RICTOR: variants seen among roughly 807,000 people sequenced by gnomAD.
RICTOR encodes rapamycin-insensitive companion of mTOR.
Under a neutral mutation model 214.9 loss-of-function variants are expected in RICTOR, and 49 were observed. The observed-to-expected ratio is 0.23, with a 90% CI of 0.18 to 0.29. The LOEUF (loss-of-function observed/expected upper bound fraction) is 0.29. Among genes scored for constraint, RICTOR ranks in the 10% least tolerant of loss-of-function variants. The pLI, the probability that RICTOR is intolerant of heterozygous loss-of-function variation, is 1.00. For missense variants in RICTOR, 1,625 were observed against 2,047.0 expected (o/e 0.79, Z 3.98); for synonymous variants, 717 against 711.3 (o/e 1.01, Z -0.13).
At chr5:38,962,657 T>G in intron 17 of RICTOR, 71 bp from the exon 18 acceptor site, 2 of 947,638 alleles carry the variant, frequency 2.1e-6, no homozygotes, top group Non-Finnish European at 3.2e-6. Flanking sequence ...AAGTTCAAAT[T>G]TGAAAAAATG....
At position 38,938,583 on chromosome 5, in the gene RICTOR, A is replaced by C. The variant is rs1482360087; in HGVS notation, c.*3721T>G. The C allele has an allele frequency of 8.6e-6, 2 of 232,844 alleles. No individual in the cohort carries two copies. The highest frequency in any genetic ancestry group is 1.2e-4 in the East Asian group (2 of 16,448). The allele number at this position is 232,844 out of a possible 1,614,324, so 14.4% of individuals were successfully genotyped here. A position where few individuals can be genotyped will look rare whatever the true frequency, so the allele number is the denominator to read the frequency against. On this transcript the variant is annotated 3_prime_UTR_variant, in exon 38 of 38. Coordinates refer to ENST00000357387, the MANE Select transcript of RICTOR (RefSeq NM_152756.5). The stretch of plus-strand genomic sequence containing the variant: ...AGCTATCCGATACTTACATTACAAA[A>C]ATACTCCAAACAGGAAAAAAGTCCA...
At chr5:39,052,219 T>A (rs1580197136) in intron 2 of RICTOR, among the ~76,000 whole-genome samples, 3 of 151,658 alleles carry the variant, frequency 2.0e-5, no homozygotes, top group South Asian at 2.1e-4. Flanking sequence ...CAAAAAAAAA[T>A]TTTTAAATTA....
intron 33 of RICTOR, among the ~76,000 whole-genome samples, chr5:38,945,942 T>C (rs551947585): frequency 1.3e-4 from 20 of 152,260 alleles, no homozygotes; most frequent in African/African-American, 4.6e-4. Flanking sequence ...AAATGGAAAA[T>C]TGAGATTATA....
rs767368661 is a variant in RICTOR, at chr5:38,959,300, C to G, written c.2073G>C (p.Leu691Phe). 1.9e-5 allele frequency: 29 copies of G among 1,562,594 alleles called. No individual in the cohort carries two copies. The highest frequency in any genetic ancestry group is 1.8e-4 in the Middle Eastern group (1 of 5,688). Residue 691 changes from leucine (L) to phenylalanine (F), a missense_variant, in exon 22 of 38, where the codon TTG becomes TTC. Around this residue, in one of 5 missense-constraint regions of RICTOR, gnomAD observed 1,214 missense variants for 1,470.5 expected, o/e 0.83. Coordinates refer to ENST00000357387, the MANE Select transcript of RICTOR (RefSeq NM_152756.5). ...VFQCLLNLCSLKNQDHLLKLT... is the reference protein window; with the variant it reads ...VFQCLLNLCSFKNQDHLLKLT... The stretch of plus-strand genomic sequence containing the variant: ...GTTTTAGCAAGTGATCTTGGTTTTT[C>G]AAGGAGCAAAGATTAAGGAGACTTA...
chr5:39,026,497 A>T (rs1441347554), intron 2 of RICTOR, among the ~76,000 whole-genome samples: 1 of 152,182 alleles, frequency 6.6e-6, no homozygotes, highest in Non-Finnish European at 1.5e-5. Context: ...TGTAAATACT[A>T]CACGTATTCC....
intron 2 of RICTOR, among the ~76,000 whole-genome samples, chr5:39,063,619 T>G (rs1195824989): frequency 6.6e-6 from 1 of 152,286 alleles, no homozygotes; most frequent in South Asian, 2.1e-4. Flanking sequence ...CAAAGATAAT[T>G]GGCATATGCT....
intron 5 of RICTOR, among the ~76,000 whole-genome samples, chr5:38,997,142 T>C (rs1399749633): frequency 6.6e-6 from 1 of 152,070 alleles, no homozygotes; most frequent in Non-Finnish European, 1.5e-5. Flanking sequence ...ACTACATCTA[T>C]TCATAAAGAA....
At chr5:39,021,681 C>A (rs892959010) in intron 2 of RICTOR, among the ~76,000 whole-genome samples, 1 of 152,100 alleles carries the variant, frequency 6.6e-6, no homozygotes, top group African/African-American at 2.4e-5. Flanking sequence ...GATGACATGG[C>A]AAGAAGGCAC....
At chr5:39,039,905 G>A (rs1298706323) in intron 2 of RICTOR, among the ~76,000 whole-genome samples, 2 of 151,910 alleles carry the variant, frequency 1.3e-5, no homozygotes, top group South Asian at 2.1e-4. Context: ...GGAAGTCAGT[G>A]TGGCGATTCC....
At chr5:38,965,579 T>C (rs887215866) in intron 15 of RICTOR, among the ~76,000 whole-genome samples, 4 of 152,122 alleles carry the variant, frequency 2.6e-5, no homozygotes, top group East Asian at 1.9e-4. Flanking sequence ...ACTCTGAATA[T>C]TGGTATTCTT....
intron 5 of RICTOR, among the ~76,000 whole-genome samples, chr5:38,997,915 G>GA (rs1753296670): frequency 6.6e-6 from 1 of 152,186 alleles, no homozygotes; most frequent in Non-Finnish European, 1.5e-5. Context: ...GAAAACAGAA[G>GA]AAAGTGAGCT....
chr5:38,949,557 A>G, intron 31 of RICTOR, 155 bp downstream of exon 31: 1 of 1,052,746 alleles, frequency 9.5e-7, no homozygotes, highest in Non-Finnish European at 1.4e-6. Flanking sequence ...ATTTCAAGTC[A>G]TATCGGGTAA....
intron 2 of RICTOR, among the ~76,000 whole-genome samples, chr5:39,036,746 A>C (rs933192399): frequency 4.8e-4 from 73 of 152,316 alleles, no homozygotes; most frequent in African/African-American, 1.7e-3. Flanking sequence ...GTAAAGGCAT[A>C]AATTCAACAA....
At chr5:39,026,791 T>A (rs1052510718) in intron 2 of RICTOR, among the ~76,000 whole-genome samples, 2 of 151,920 alleles carry the variant, frequency 1.3e-5, no homozygotes, top group Non-Finnish European at 2.9e-5. Flanking sequence ...GTGGATCACC[T>A]GAGGTCAGGA....
chr5:38,950,478 T>C lies in RICTOR; in HGVS notation c.3370A>G (p.Ser1124Gly). ...DPKGGKLSSE[S>G]KTSNRRIRTL... ...CTGATTCGCCTGTTGCTTGTCTTAC[T>C]TTCAGATGATAATTTCCCTCCTTTT... Residue 1124 changes from serine (S) to glycine (G), a missense_variant, in exon 31 of 38, where the codon AGT becomes GGT. Transcript: ENST00000357387. 2 of 1,613,562 alleles carry C rather than the reference T, an allele frequency of 1.2e-6. No individual in the cohort carries two copies. Among genetic ancestry groups the C allele is most frequent in the Non-Finnish European group, 1.7e-6 (2 of 1,179,674 alleles).
chr5:38,958,440 T>A lies in RICTOR; in HGVS notation c.2420+3A>T. On this transcript the variant is annotated splice_donor_region_variant and intron_variant, in intron 24 of 37. Transcript: ENST00000357387. Reference sequence around the variant, plus strand: ...CATAACAGAAAATTTACTTAAAATTTACCTCAGCAGGAGAAGCAAACCCTT... The same window carrying A: ...CATAACAGAAAATTTACTTAAAATTAACCTCAGCAGGAGAAGCAAACCCTT... 1 of 1,588,848 alleles carries A rather than the reference T, an allele frequency of 6.3e-7. No homozygotes were observed. Among genetic ancestry groups the A allele is most frequent in the Non-Finnish European group, 8.6e-7 (1 of 1,157,140 alleles).
chr5:38,981,543 G>GTAC (rs1751716360), intron 8 of RICTOR: 1 of 202,272 alleles, frequency 4.9e-6, no homozygotes. Flanking sequence ...CACACACAAT[G>GTAC]TACTAAAGGC....
chr5:39,056,633 T>A (rs72732763), intron 2 of RICTOR, among the ~76,000 whole-genome samples: 24,793 of 150,532 alleles, frequency 0.16, 2,315 homozygotes, highest in East Asian at 0.27. Context: ...CGAGACCCTG[T>A]CTCAAAAAAG....
chr5:39,051,042 T>TACACAC (rs111723153), intron 2 of RICTOR, among the ~76,000 whole-genome samples: 48,081 of 145,538 alleles, frequency 0.33, 8,496 homozygotes, highest in East Asian at 0.41. Flanking sequence ...TACATATATA[T>TACACAC]ACACACACAC....
Sources: allele counts gnomAD v4.1 joint callset (sites outside exome capture counted in the v4.1 genomes callset), GRCh38; gene constraint gnomAD v4.1.1; regional missense constraint gnomAD v4.1.1; transcripts MANE v1.5; gene names NCBI Gene and HGNC (gene_info 2026-07-23, HGNC 2026-07-21).